The following SMARCC1 variants were observed in gnomAD, a reference collection of about 807,000 sequenced individuals.
SMARCC1 encodes SWI/SNF related BAF chromatin remodeling complex subunit C1, also known as SWI/SNF complex subunit SMARCC1.
A neutral mutation model predicts 147.4 loss-of-function variants in SMARCC1; 43 were observed. The ratio of observed to expected loss-of-function variants is 0.29; its 90% confidence interval spans 0.23 to 0.38. The LOEUF (loss-of-function observed/expected upper bound fraction) is 0.38, where lower values mean the gene tolerates loss of function less well. SMARCC1 is among the 10% of genes least tolerant of loss of function. The pLI is 1.00. For synonymous variants in SMARCC1, 495 were observed against 484.4 expected (o/e 1.02, Z -0.29); for missense variants, 1,119 against 1,381.1 (o/e 0.81, Z 3.01).
At chr3:47,652,698 C>T (rs2033205089) in intron 21 of SMARCC1, among the ~76,000 whole-genome samples, 1 of 151,382 alleles carries the variant, frequency 6.6e-6, no homozygotes. Flanking sequence ...TCAAAAATCC[C>T]TATACAATGT....
chr3:47,644,760 G>A (rs547775803), intron 21 of SMARCC1, among the ~76,000 whole-genome samples: 2 of 152,176 alleles, frequency 1.3e-5, no homozygotes, highest in African/African-American at 2.4e-5. Context: ...CGCCCGCCTC[G>A]GCCTTCAAAA....
At chr3:47,714,650 C>A (rs994307818) in intron 7 of SMARCC1, among the ~76,000 whole-genome samples, 160 bp from the exon 8 acceptor site, 1 of 151,872 alleles carries the variant, frequency 6.6e-6, no homozygotes, top group Non-Finnish European at 1.5e-5. Context: ...AAAAATTAGC[C>A]GGGCATGGTG....
intron 21 of SMARCC1, among the ~76,000 whole-genome samples, chr3:47,657,491 C>G (rs2033278656): frequency 6.6e-6 from 1 of 152,108 alleles, no homozygotes; most frequent in Non-Finnish European, 1.5e-5. Flanking sequence ...AAGAAGAAAT[C>G]ACAACAGAAA....
At chr3:47,610,451 C>T in intron 25 of SMARCC1, 124 bp from the exon 26 acceptor site, 1 of 909,332 alleles carries the variant, frequency 1.1e-6, no homozygotes, top group Middle Eastern at 2.2e-4. Flanking sequence ...CACCACCTCA[C>T]TTCCTGCACC....
At chr3:47,629,008 G>T (rs1274478944) in intron 24 of SMARCC1, among the ~76,000 whole-genome samples, 1 of 152,156 alleles carries the variant, frequency 6.6e-6, no homozygotes, top group Non-Finnish European at 1.5e-5. Flanking sequence ...AGACTCAGAA[G>T]AAAAAACTGA....
intron 13 of SMARCC1, among the ~76,000 whole-genome samples, chr3:47,686,566 T>C (rs975018275): frequency 2.6e-5 from 4 of 152,264 alleles, no homozygotes; most frequent in Non-Finnish European, 5.9e-5. Context: ...GTTTACTTGA[T>C]ACACATTTTT....
At chr3:47,719,056 G>T (rs1156325319) in intron 7 of SMARCC1, among the ~76,000 whole-genome samples, 1 of 152,090 alleles carries the variant, frequency 6.6e-6, no homozygotes, top group Non-Finnish European at 1.5e-5. Flanking sequence ...GGGACTACAG[G>T]CACCCACCAC....
rs1047541158 is a variant in SMARCC1, at chr3:47,588,056, G to C, written c.*153C>G. Reference sequence around the variant, plus strand: ...CAACACAAAAAGTGTCAGAGAGAGGGGTGGTAAGAGGAGTGGGGAGGCACG... The same window carrying C: ...CAACACAAAAAGTGTCAGAGAGAGGCGTGGTAAGAGGAGTGGGGAGGCACG... On this transcript the variant is annotated 3_prime_UTR_variant, in exon 28 of 28. Transcript: ENST00000254480. 7 of 613,744 alleles carry C rather than the reference G, an allele frequency of 1.1e-5. No homozygotes were observed. Among genetic ancestry groups the C allele is most frequent in the Non-Finnish European group, 1.7e-5 (6 of 346,138 alleles). 38.0% of individuals were successfully genotyped at this position (613,744 alleles called of 1,614,324 possible). A position where few individuals can be genotyped will look rare whatever the true frequency, so the allele number is the denominator to read the frequency against.
intron 21 of SMARCC1, among the ~76,000 whole-genome samples, chr3:47,644,180 TA>T (rs1576397210): frequency 6.6e-6 from 1 of 151,812 alleles, no homozygotes; most frequent in Admixed American, 6.6e-5. Flanking sequence ...ACCTTGTCTC[TA>T]AACAAATAAA....
rs199867999 is a variant in SMARCC1 at position 47,746,416 on chromosome 3, AGCCCT to A, written c.316-428_316-424del. ...AGCCCTGATCGCCCTACTGCACTCCAGCCCTGGATGACAGAGTGAGATGCTGTCTC... is the reference window on the plus strand; with the variant it reads ...AGCCCTGATCGCCCTACTGCACTCCAGGATGACAGAGTGAGATGCTGTCTC... On this transcript the variant is annotated intron_variant, in intron 2 of 27. Transcript: ENST00000254480. 171 of 153,816 alleles carry A rather than the reference AGCCCT, an allele frequency of 1.1e-3. 6 individuals carry two copies. Among genetic ancestry groups the A allele is most frequent in the Admixed American group, 0.011 (162 of 15,314 alleles). 9.5% of individuals were successfully genotyped at this position (153,816 alleles called of 1,614,324 possible).
chr3:47,654,160 A>C (rs1347528892), intron 21 of SMARCC1, among the ~76,000 whole-genome samples: 1 of 152,194 alleles, frequency 6.6e-6, no homozygotes, highest in African/African-American at 2.4e-5. Context: ...AAGTACACAA[A>C]TCTCACTGAA....
chr3:47,642,543 T>C (rs568910730), intron 21 of SMARCC1, among the ~76,000 whole-genome samples: 6 of 152,078 alleles, frequency 3.9e-5, no homozygotes, highest in African/African-American at 7.2e-5. Context: ...TGAGCCGAGA[T>C]TGCGCCACTG....
At chr3:47,702,817 G>A (rs2033940992) in intron 10 of SMARCC1, among the ~76,000 whole-genome samples, 1 of 152,160 alleles carries the variant, frequency 6.6e-6, no homozygotes, top group African/African-American at 2.4e-5. Flanking sequence ...TGTTGCCTCA[G>A]GTGATCTCAA....
intron 9 of SMARCC1, among the ~76,000 whole-genome samples, chr3:47,709,573 C>A (rs1249060564): frequency 6.6e-6 from 1 of 151,464 alleles, no homozygotes; most frequent in Admixed American, 6.6e-5. Flanking sequence ...GTAGTCCCAA[C>A]TACTTGGGAG....
In SMARCC1 at chr3:47,588,230, C is replaced by A. The variant is rs746884532; in HGVS notation, c.3297G>T (p.Pro1099=). Residue 1099 remains proline, a synonymous_variant, in exon 28 of 28, where the codon CCG becomes CCT. Coordinates refer to ENST00000254480, the MANE Select transcript of SMARCC1 (RefSeq NM_003074.4). ...DGVPPPPAPG[P]PASAAP is the part of the protein sequence containing the mutation. The stretch of plus-strand genomic sequence containing the variant: ...CAGGCTAAGGAGCAGCTGAGGCTGG[C>A]GGGCCAGGAGCAGGAGGCGGAGGGA... 53 of 1,613,262 alleles carry A rather than the reference C, an allele frequency of 3.3e-5. No individual in the cohort carries two copies. The highest frequency in any genetic ancestry group is 7.7e-5 in the South Asian group (7 of 91,052).
chr3:47,663,826 C>T, intron 19 of SMARCC1: 2 of 1,583,400 alleles, frequency 1.3e-6, no homozygotes, highest in Non-Finnish European at 1.7e-6. Context: ...ACCGGGGCAA[C>T]AGCCAGCGCT....
intron 13 of SMARCC1, among the ~76,000 whole-genome samples, chr3:47,688,049 C>T (rs1283230617): frequency 3.3e-5 from 5 of 152,228 alleles, no homozygotes; most frequent in Admixed American, 1.3e-4. Context: ...CACCTAAGGT[C>T]GGGAGTTCGA....
intron 10 of SMARCC1, among the ~76,000 whole-genome samples, chr3:47,702,577 G>A (rs562775680): frequency 1.4e-4 from 22 of 152,234 alleles, no homozygotes; most frequent in African/African-American, 4.8e-4. Flanking sequence ...GAAACAGGGC[G>A]AGACCCCATC....
chr3:47,690,131 GA>G (rs2033773591), intron 12 of SMARCC1, among the ~76,000 whole-genome samples: 2 of 152,098 alleles, frequency 1.3e-5, no homozygotes, highest in African/African-American at 4.8e-5. Flanking sequence ...TGAAGTGGGA[GA>G]CTCACTCAAG....
Sources: gnomAD v4.1 joint callset for allele counts (sites outside exome capture counted in the v4.1 genomes callset) on GRCh38, gnomAD v4.1.1 for gene constraint, MANE v1.5 for transcripts, NCBI Gene and HGNC (gene_info 2026-07-23, HGNC 2026-07-21) for gene names.